RBFOX1: variants seen among roughly 807,000 people sequenced by gnomAD.
RBFOX1 encodes RNA binding fox-1 homolog 1.
In RBFOX1, 8 loss-of-function variants were observed where a neutral mutation model predicts 57.7. The observed-to-expected ratio is 0.14, with a 90% CI of 0.08 to 0.25. The LOEUF (loss-of-function observed/expected upper bound fraction) is 0.25. Ranked by LOEUF, RBFOX1 falls within the 10% of genes least tolerant of loss-of-function variation. RBFOX1 has a pLI of 1.00. For missense variants in RBFOX1, 611 were observed against 548.5 expected, an observed-to-expected ratio of 1.11 and a Z score of -1.14; for synonymous variants, 326 against 222.4, an observed-to-expected ratio of 1.47 and a Z score of -4.15.
At chr16:5,248,612 T>C (rs1234907215) in intron 1 of RBFOX1, among the ~76,000 whole-genome samples, 1 of 150,058 alleles carries the variant, frequency 6.7e-6, no homozygotes, top group Non-Finnish European at 1.5e-5. Flanking sequence ...GCTTGGGGGG[T>C]GGTCTGAGAG....
intron 4 of RBFOX1, among the ~76,000 whole-genome samples, chr16:5,989,427 G>C (rs182346514): frequency 1.2e-4 from 19 of 152,238 alleles, no homozygotes; most frequent in Admixed American, 1.2e-3. Context: ...AACTTAGCAT[G>C]GAAAGATGCT....
intron 4 of RBFOX1, among the ~76,000 whole-genome samples, chr16:5,950,245 A>G (rs2059492776): frequency 1.3e-5 from 2 of 152,192 alleles, no homozygotes; most frequent in African/African-American, 4.8e-5. Context: ...CACTAAGCAT[A>G]AAGCTTTTCT....
At chr16:7,018,966 A>C (rs1364814934) in intron 3 of RBFOX1, among the ~76,000 whole-genome samples, 1 of 151,792 alleles carries the variant, frequency 6.6e-6, no homozygotes, top group African/African-American at 2.4e-5. Flanking sequence ...AAAAAAATTA[A>C]AAAGCAATAA....
chr16:7,489,771 T>G (rs2151487937), intron 4 of RBFOX1, among the ~76,000 whole-genome samples: 1 of 151,874 alleles, frequency 6.6e-6, no homozygotes, highest in Non-Finnish European at 1.5e-5. Context: ...TCCTCCCAAC[T>G]CAGCCTTCCA....
rs531358869 is a variant in RBFOX1, at chr16:5,985,015, C to G, written c.351+117680C>G. Reference sequence around the variant, plus strand: ...TTTTTTTCTTTGAGACAGAGTTTCACTCTGTCGCCCAGGCTGGAGTGCAGT... The same window carrying G: ...TTTTTTTCTTTGAGACAGAGTTTCAGTCTGTCGCCCAGGCTGGAGTGCAGT... On this transcript the variant is annotated intron_variant, in intron 4 of 19. Coordinates refer to the RBFOX1 transcript ENST00000641259. 3.8e-3 allele frequency among the ~76,000 whole-genome samples: 466 copies of G among 122,206 alleles called. 4 individuals are homozygous for G. The highest frequency in any genetic ancestry group is 0.014 in the African/African-American group (441 of 30,652). The allele number at this position is 122,206 out of a possible 152,430, so 80.2% of individuals were successfully genotyped here. A position where few individuals can be genotyped will look rare whatever the true frequency, so the allele number is the denominator to read the frequency against.
chr16:5,264,168 C>T (rs2062804400), intron 1 of RBFOX1, among the ~76,000 whole-genome samples: 1 of 151,972 alleles, frequency 6.6e-6, no homozygotes. Context: ...GAGAGGTGAA[C>T]AGTTGCAGGA....
In RBFOX1 at chr16:6,260,731, A is replaced by C. The variant is rs116722459; in HGVS notation, c.-126-56264A>C. 2.7e-3 allele frequency among the ~76,000 whole-genome samples: 407 copies of C among 152,140 alleles called. 3 individuals carry two copies. The highest frequency in any genetic ancestry group is 9.4e-3 in the African/African-American group (388 of 41,496). ...CATCTGTACTACTGATAATACAAAA[A>C]TGAGCCAGGCGTGGTTGTGCACACC... is the stretch of plus-strand genomic sequence containing the variant. On this transcript the variant is annotated intron_variant, in intron 1 of 15. Transcript: ENST00000550418.
At chr16:6,928,194 A>T (rs7185488) in intron 3 of RBFOX1, among the ~76,000 whole-genome samples, 19,610 of 152,140 alleles carry the variant, frequency 0.13, 1,487 homozygotes, top group Middle Eastern at 0.22. Flanking sequence ...GAGTGTTAGA[A>T]AAGATTGATG....
chr16:5,325,240 A>G (rs2064535127), intron 1 of RBFOX1, among the ~76,000 whole-genome samples: 1 of 149,126 alleles, frequency 6.7e-6, no homozygotes, highest in South Asian at 2.1e-4. Flanking sequence ...CCTGTTTGTC[A>G]CCTCTTTTTT....
chr16:7,178,912 G>A (rs1050550071), intron 4 of RBFOX1, among the ~76,000 whole-genome samples: 2 of 152,108 alleles, frequency 1.3e-5, no homozygotes, highest in Admixed American at 1.3e-4. Flanking sequence ...TGGTTAACAA[G>A]ATCGTAAATA....
At chr16:6,403,890 C>T (rs1258479773) in intron 2 of RBFOX1, among the ~76,000 whole-genome samples, 3 of 152,032 alleles carry the variant, frequency 2.0e-5, no homozygotes, top group Non-Finnish European at 4.4e-5. Flanking sequence ...GGTCCTGATT[C>T]AATAGGACTG....
chr16:7,247,527 C>T (rs1176649421), intron 4 of RBFOX1, among the ~76,000 whole-genome samples: 7 of 152,170 alleles, frequency 4.6e-5, no homozygotes, highest in African/African-American at 1.2e-4. Context: ...CTGTAAGACC[C>T]TGTGCCTGCC....
rs540419004 is a variant in RBFOX1 at position 6,269,049 on chromosome 16, A to T, written c.-126-47946A>T. On this transcript the variant is annotated intron_variant, in intron 1 of 15. Coordinates refer to ENST00000550418, the MANE Select transcript of RBFOX1 (RefSeq NM_018723.4). ...ATTTGTGTCATCTGATATACTTTAA[A>T]ACATCTTTACATTACTTATAATACC... is the stretch of plus-strand genomic sequence containing the variant. 3.9e-5 allele frequency among the ~76,000 whole-genome samples: 6 copies of T among 152,318 alleles called. No individual in the cohort carries two copies. In the East Asian group the frequency reaches 1.2e-3, roughly 29 times the overall value.
At chr16:6,821,659 A>G (rs532099757) in intron 3 of RBFOX1, among the ~76,000 whole-genome samples, 1 of 152,210 alleles carries the variant, frequency 6.6e-6, no homozygotes, top group East Asian at 1.9e-4. Flanking sequence ...TTTTCATCTG[A>G]CTTCTTTCAG....
At chr16:5,352,235 A>G (rs1230750072) in intron 1 of RBFOX1, among the ~76,000 whole-genome samples, 1 of 151,988 alleles carries the variant, frequency 6.6e-6, no homozygotes, top group African/African-American at 2.4e-5. Context: ...GCGCTTGTCC[A>G]CCCTGGGAGT....
In RBFOX1 at chr16:7,198,893, C is replaced by G. The variant is rs149627935; in HGVS notation, c.27+146795C>G. Among the ~76,000 whole-genome samples the G allele has an allele frequency of 1.1e-3, 169 of 152,260 alleles. 1 individual carries two copies. The highest frequency in any genetic ancestry group is 3.9e-3 in the African/African-American group (162 of 41,542). On this transcript the variant is annotated intron_variant, in intron 4 of 15. Transcript: ENST00000550418. ...GCAAAATATAGTGTTGGTTCCCAGGCAATGAGTTGGCTGCCTTGTTCACAG... is the reference window on the plus strand; with the variant it reads ...GCAAAATATAGTGTTGGTTCCCAGGGAATGAGTTGGCTGCCTTGTTCACAG...
intron 3 of RBFOX1, among the ~76,000 whole-genome samples, chr16:5,743,194 A>G (rs1194091226): frequency 6.6e-6 from 1 of 152,196 alleles, no homozygotes; most frequent in Non-Finnish European, 1.5e-5. Context: ...TTCTCTTTGT[A>G]TGTCTCTGTG....
intron 2 of RBFOX1, among the ~76,000 whole-genome samples, chr16:6,503,862 A>C (rs2096012605): frequency 6.6e-6 from 1 of 152,166 alleles, no homozygotes. Context: ...GCATCTACCC[A>C]GGCCTCTTTA....
intron 4 of RBFOX1, among the ~76,000 whole-genome samples, chr16:5,976,163 A>C (rs1567211053): frequency 6.6e-6 from 1 of 152,038 alleles, no homozygotes; most frequent in Non-Finnish European, 1.5e-5. Flanking sequence ...TTAATAAATA[A>C]ATAATAAAAT....
Sources: allele counts gnomAD v4.1 joint callset (sites outside exome capture counted in the v4.1 genomes callset), GRCh38; gene constraint gnomAD v4.1.1; transcripts MANE v1.5; gene names NCBI Gene and HGNC (gene_info 2026-07-23, HGNC 2026-07-21).